AXIN1: variants seen among roughly 807,000 people sequenced by gnomAD.
AXIN1 encodes axin 1.
AXIN1 carries 30 observed loss-of-function variants against 76.4 expected under a neutral mutation model. The ratio of observed to expected loss-of-function variants is 0.39; its 90% CI spans 0.29 to 0.53. AXIN1 has a LOEUF of 0.53. Among genes scored for constraint, AXIN1 ranks in the 20% least tolerant of loss-of-function variants. AXIN1 has a pLI of 0.66. For synonymous variants in AXIN1, 545 were observed against 501.4 expected (o/e 1.09, Z -1.16); for missense variants, 1,140 against 1,198.8 (o/e 0.95, Z 0.72).
At position 314,683 on chromosome 16, in the gene AXIN1, C is replaced by T. The variant is rs752418966; in HGVS notation, c.879G>A (p.Arg293=). ...SRRYSEGREF[R]YGSWREPVNP... ...TGACTGGCTCCCGCCAGGATCCATA[C>T]CTGCAAACAGGCAAGCAGGGCATGT... The change falls in exon 3 of 11, where the codon AGG becomes AGA. Residue 293 remains arginine (R), a splice_region_variant and synonymous_variant. Coordinates refer to ENST00000262320, the MANE Select transcript of AXIN1 (RefSeq NM_003502.4). 14 of 1,613,640 alleles carry T rather than the reference C, an allele frequency of 8.7e-6. No homozygotes were observed. Among genetic ancestry groups the T allele is most frequent in the East Asian group, 4.5e-5 (2 of 44,890 alleles).
intron 6 of AXIN1, among the ~76,000 whole-genome samples, chr16:297,501 C>T (rs550986736): frequency 2.6e-4 from 40 of 152,286 alleles, no homozygotes; most frequent in African/African-American, 8.4e-4. Context: ...AGGGCCAGAG[C>T]GGGAGCCAGG....
chr16:293,388 C>A lies in AXIN1; in HGVS notation c.2186+100G>T. 8.2e-7 allele frequency: 1 copy of A among 1,221,562 alleles called. No homozygotes were observed. The highest frequency in any genetic ancestry group is 1.2e-6 in the Non-Finnish European group (1 of 863,518). The allele number at this position is 1,221,562 out of a possible 1,614,324, so 75.7% of individuals were successfully genotyped here. ...TATGGCTGGGGGACACCCAGAGGGC[C>A]GTTTTTCCCCTGAAGACCTCAGGCC... On this transcript the variant is annotated intron_variant, in intron 8 of 10. Coordinates refer to ENST00000262320, the MANE Select transcript of AXIN1 (RefSeq NM_003502.4). This position sits in a 1 kb window ranked among gnomAD's most constrained non-coding sequence, Gnocchi z 4.6.
chr16:321,221 C>A (rs953630336), intron 2 of AXIN1, among the ~76,000 whole-genome samples: 1 of 152,066 alleles, frequency 6.6e-6, no homozygotes. Flanking sequence ...GCCTTCCATA[C>A]CCAGGCAGGA....
In AXIN1 at chr16:293,695, T is replaced by G; in HGVS notation, c.1979A>C (p.Gln660Pro). The stretch of plus-strand genomic sequence containing the variant: ...CAAGGGTCTGGAGTTCTCATGGGGC[T>G]GTGGCTTCCTCGTCCCCGAAGACCT... ...GHGSSGTRKP[Q>P]PHENSRPLSL... The change falls in exon 8 of 11, where the codon CAG becomes CCG. Residue 660 changes from glutamine to proline, a missense_variant. Gln to Pro is a moderately conservative substitution (Grantham distance 76, BLOSUM62 -1). Around this residue, in one of 3 missense-constraint regions of AXIN1, gnomAD observed 429 missense variants for 405.8 expected, o/e 1.06. Transcript: ENST00000262320. This position sits in a 1 kb window ranked among gnomAD's most constrained non-coding sequence, Gnocchi z 4.6. 6.2e-7 allele frequency: 1 copy of G among 1,613,668 alleles called. No individual in the cohort carries two copies. The highest frequency in any genetic ancestry group is 8.5e-7 in the Non-Finnish European group (1 of 1,180,008).
intron 7 of AXIN1, 76 bp downstream of exon 7, chr16:296,965 ACACACACTGAAGCTG>A (rs2141500967): frequency 1.4e-6 from 2 of 1,463,582 alleles, no homozygotes; most frequent in Non-Finnish European, 1.9e-6. Flanking sequence ...GACACTCGCC[ACACACACTGAAGCTG>A]CACACACTGA....
At chr16:340,988 T>C (rs1393712647) in intron 2 of AXIN1, among the ~76,000 whole-genome samples, 1 of 152,226 alleles carries the variant, frequency 6.6e-6, no homozygotes, top group Non-Finnish European at 1.5e-5. Flanking sequence ...TGAGCGACTG[T>C]GGCAGAGATG....
At chr16:306,499 C>T (rs887635054) in intron 4 of AXIN1, among the ~76,000 whole-genome samples, 4 of 152,216 alleles carry the variant, frequency 2.6e-5, no homozygotes, top group Non-Finnish European at 4.4e-5. Flanking sequence ...CCTGCCCTCC[C>T]GCCGTGGGCT....
At chr16:320,048 C>A (rs952125379) in intron 2 of AXIN1, among the ~76,000 whole-genome samples, 4 of 152,188 alleles carry the variant, frequency 2.6e-5, no homozygotes, top group Non-Finnish European at 5.9e-5. Flanking sequence ...CCACACATCA[C>A]ACCTGCCTCT....
At chr16:303,898 C>A (rs1051818811) in intron 5 of AXIN1, among the ~76,000 whole-genome samples, 1 of 152,224 alleles carries the variant, frequency 6.6e-6, no homozygotes, top group Non-Finnish European at 1.5e-5. Context: ...TCGCAGCCCC[C>A]GACTGCACGC....
intron 2 of AXIN1, among the ~76,000 whole-genome samples, chr16:332,316 G>A (rs972747726): frequency 2.6e-5 from 4 of 151,928 alleles, no homozygotes; most frequent in African/African-American, 9.7e-5. Flanking sequence ...GGTGGCTCAC[G>A]CCTGTAATCC....
chr16:342,088 G>A (rs1206661219), intron 2 of AXIN1, among the ~76,000 whole-genome samples: 1 of 152,182 alleles, frequency 6.6e-6, no homozygotes, highest in African/African-American at 2.4e-5. Context: ...AACTCGCTCG[G>A]GTCCCCTTCC....
rs779775627 is a variant in AXIN1, at chr16:293,628, G to A, written c.2046C>T (p.Ser682=). Residue 682 remains serine, a synonymous_variant, in exon 8 of 11, where the codon TCC becomes TCT. Transcript: ENST00000262320. This position sits in a 1 kb window ranked among gnomAD's most constrained non-coding sequence, Gnocchi z 4.6. The part of the protein sequence containing the change: ...HPWAGPQLRT[S]VQPSHLFIQD... ...GGATGAAGAGGTGGGAGGGCTGCAC[G>A]GAGGTCCGGAGCTGAGGGCCGGCCC... 20 of 1,613,444 alleles carry A rather than the reference G, an allele frequency of 1.2e-5. No homozygotes were observed. The highest frequency in any genetic ancestry group is 5.3e-5 in the African/African-American group (4 of 74,902).
At chr16:342,052 AGCT>A (rs2053934624) in intron 2 of AXIN1, among the ~76,000 whole-genome samples, 1 of 152,242 alleles carries the variant, frequency 6.6e-6, no homozygotes, top group South Asian at 2.1e-4. Context: ...AGAGAATAAA[AGCT>A]GGCTGCGGGA....
intron 2 of AXIN1, among the ~76,000 whole-genome samples, chr16:337,468 G>A (rs1185538801): frequency 6.9e-6 from 1 of 144,794 alleles, no homozygotes; most frequent in Non-Finnish European, 1.5e-5. Flanking sequence ...CTACAGGTGA[G>A]CTAGTAAAGA....
intron 2 of AXIN1, among the ~76,000 whole-genome samples, chr16:326,580 C>G (rs1267996425): frequency 6.7e-6 from 1 of 150,320 alleles, no homozygotes; most frequent in Non-Finnish European, 1.5e-5. Context: ...AACCCCATCT[C>G]TACTAAAAAT....
At chr16:309,717 AG>A (rs1270034832) in intron 4 of AXIN1, among the ~76,000 whole-genome samples, 3 of 152,192 alleles carry the variant, frequency 2.0e-5, no homozygotes, top group African/African-American at 7.2e-5. Flanking sequence ...GCCACCAGGG[AG>A]GGTGTGGCCT....
chr16:316,095 C>CTTTA (rs201945410), intron 2 of AXIN1, among the ~76,000 whole-genome samples: 7 of 151,946 alleles, frequency 4.6e-5, no homozygotes, highest in Non-Finnish European at 7.4e-5. Context: ...CAATCTTTTC[C>CTTTA]TTTATTTATT....
At chr16:309,781 G>C (rs1298501549) in intron 4 of AXIN1, among the ~76,000 whole-genome samples, 192 bp downstream of exon 4, 1 of 152,206 alleles carries the variant, frequency 6.6e-6, no homozygotes, top group Non-Finnish European at 1.5e-5. Context: ...CCTAAATGCT[G>C]CCTGAGACTT....
At position 294,755 on chromosome 16, in the gene AXIN1, CAAAAA is replaced by C. The variant is rs1015576394; in HGVS notation, c.1956-1042_1956-1038del. On this transcript the variant is annotated intron_variant, in intron 7 of 10. Transcript: ENST00000262320. ...GAGCCACAGGAGCGAAACCCCATCT[CAAAAA>C]AAAAAAAAAAAAAAAAAAAAGGCCA... 4.0e-4 allele frequency among the ~76,000 whole-genome samples: 10 copies of C among 24,762 alleles called. No individual in the cohort carries two copies. The East Asian group carries it at 7.8e-3, about 19-fold the overall frequency. 16.2% of individuals were successfully genotyped at this position (24,762 alleles called of 152,430 possible). A position where few individuals can be genotyped will look rare whatever the true frequency, so the allele number is the denominator to read the frequency against.
Sources: allele counts gnomAD v4.1 joint callset (sites outside exome capture counted in the v4.1 genomes callset), GRCh38; gene constraint gnomAD v4.1.1; regional missense constraint gnomAD v4.1.1; non-coding constraint Gnocchi (gnomAD v3.1); transcripts MANE v1.5; gene names NCBI Gene and HGNC (gene_info 2026-07-23, HGNC 2026-07-21).